The following TRPM6 variants were observed in gnomAD, a reference collection of about 807,000 sequenced individuals.
TRPM6 encodes the protein transient receptor potential cation channel subfamily M member 6, also known as channel kinase 2.
Under a neutral mutation model 247.6 loss-of-function variants are expected in TRPM6, and 111 were observed. The ratio of observed to expected loss-of-function variants is 0.45; its 90% CI spans 0.38 to 0.52. The LOEUF is 0.52. Ranked by LOEUF, TRPM6 falls within the 20% of genes least tolerant of loss-of-function variation. The pLI, the probability that TRPM6 is intolerant of heterozygous loss-of-function variation, is 0.00. For synonymous variants in TRPM6, 892 were observed against 853.8 expected, an observed-to-expected ratio of 1.04 and a Z score of -0.78; for missense variants, 2,126 against 2,421.5, an observed-to-expected ratio of 0.88 and a Z score of 2.56.
chr9:74,769,810 A>C (rs947672398), intron 25 of TRPM6, among the ~76,000 whole-genome samples: 17 of 151,842 alleles, frequency 1.1e-4, no homozygotes, highest in African/African-American at 3.9e-4. Flanking sequence ...GGAGGGAGGA[A>C]GGAAACCAAG....
intron 1 of TRPM6, among the ~76,000 whole-genome samples, chr9:74,869,579 T>C (rs548630761): frequency 6.6e-6 from 1 of 151,772 alleles, no homozygotes; most frequent in African/African-American, 2.4e-5. Context: ...GCTAAAGCAA[T>C]ATTCACAATT....
At chr9:74,867,283 C>A (rs570430903) in intron 1 of TRPM6, among the ~76,000 whole-genome samples, 1 of 152,216 alleles carries the variant, frequency 6.6e-6, no homozygotes, top group Admixed American at 6.5e-5. Context: ...ATCTTAGTAC[C>A]ATTATGAAAA....
At chr9:74,864,343 G>T (rs1394771707) in intron 1 of TRPM6, among the ~76,000 whole-genome samples, 1 of 152,138 alleles carries the variant, frequency 6.6e-6, no homozygotes, top group East Asian at 1.9e-4. Flanking sequence ...GTTGGCTCAG[G>T]GAATCCATCA....
At chr9:74,796,984 A>G in intron 17 of TRPM6, 91 bp from the exon 18 acceptor site, 1 of 1,202,030 alleles carries the variant, frequency 8.3e-7, no homozygotes, top group Middle Eastern at 2.6e-4. Flanking sequence ...AGTGTATATA[A>G]AATGCCAGAC....
Position 74,782,358 on chromosome 9 carries a change from C to A in TRPM6, c.3209+4G>T. The A allele has an allele frequency of 6.3e-7, 1 of 1,599,402 alleles. No homozygotes were observed. The highest frequency in any genetic ancestry group is 8.6e-7 in the Non-Finnish European group (1 of 1,166,858). ...AATAATCATATTTAATTGAAATAAC[C>A]TACTTGAAGAAAGCAATCAACAGGT... On this transcript the variant is annotated splice_donor_region_variant and intron_variant, in intron 23 of 38. Transcript: ENST00000360774.
chr9:74,884,548 T>G (rs1278226434), intron 1 of TRPM6, among the ~76,000 whole-genome samples: 1 of 130,094 alleles, frequency 7.7e-6, no homozygotes, highest in Non-Finnish European at 1.7e-5. Context: ...TACATACGTA[T>G]ATAAAAGCAC....
intron 19 of TRPM6, among the ~76,000 whole-genome samples, chr9:74,790,500 T>C (rs796481847): frequency 1.8e-4 from 27 of 152,326 alleles, no homozygotes; most frequent in African/African-American, 6.5e-4. Context: ...ATTATTTGTA[T>C]TTTGTTATCT....
intron 23 of TRPM6, among the ~76,000 whole-genome samples, chr9:74,777,098 T>C (rs1445079582): frequency 6.6e-6 from 1 of 152,154 alleles, no homozygotes; most frequent in Non-Finnish European, 1.5e-5. Context: ...TCAGGAGTTC[T>C]CAAGCATGTT....
chr9:74,826,077 G>C (rs895208252), intron 7 of TRPM6, among the ~76,000 whole-genome samples: 46 of 151,982 alleles, frequency 3.0e-4, no homozygotes, highest in Admixed American at 1.4e-3. Flanking sequence ...ACCATGAGAT[G>C]ATCACTGTAC....
intron 25 of TRPM6, among the ~76,000 whole-genome samples, chr9:74,769,394 T>C (rs1826938646): frequency 6.6e-6 from 1 of 152,126 alleles, no homozygotes; most frequent in Admixed American, 6.5e-5. Context: ...AGTGATCCAC[T>C]TGCCTCAGCC....
At chr9:74,756,324 T>C (rs1826428502) in intron 27 of TRPM6, among the ~76,000 whole-genome samples, 1 of 152,140 alleles carries the variant, frequency 6.6e-6, no homozygotes, top group Admixed American at 6.5e-5. Flanking sequence ...ATTTTTTTAA[T>C]GCATCCAGAT....
chr9:74,887,506 C>G, intron 1 of TRPM6: 1 of 1,128,722 alleles, frequency 8.9e-7, no homozygotes, highest in Non-Finnish European at 1.3e-6. Context: ...CGGGGTGTTT[C>G]CCACCGCCCC....
chr9:74,839,578 G>C (rs1337006695), intron 5 of TRPM6, among the ~76,000 whole-genome samples: 1 of 152,102 alleles, frequency 6.6e-6, no homozygotes, highest in African/African-American at 2.4e-5. Flanking sequence ...GCATGGATTC[G>C]ATGTCCCTTC....
chr9:74,782,270 A>G, intron 23 of TRPM6, 92 bp downstream of exon 23: 1 of 922,054 alleles, frequency 1.1e-6, no homozygotes, highest in Non-Finnish European at 1.7e-6. Context: ...CACAAAAATC[A>G]AAGGTTACAT....
chr9:74,844,559 A>C (rs754494776), intron 3 of TRPM6, among the ~76,000 whole-genome samples: 3 of 152,200 alleles, frequency 2.0e-5, no homozygotes, highest in Admixed American at 6.5e-5. Flanking sequence ...CCTCTCTCAG[A>C]CTTCATAGAA....
chr9:74,794,059 T>A (rs1462675145), intron 18 of TRPM6, among the ~76,000 whole-genome samples: 2 of 152,018 alleles, frequency 1.3e-5, no homozygotes, highest in Non-Finnish European at 2.9e-5. Context: ...GAAGCATTTA[T>A]AGCCTGGCTA....
chr9:74,750,733 G>C lies in TRPM6; in HGVS notation c.4999-11C>G, dbSNP rs757278705. ...GTTTTTGCTGAGATCCTGAGCAGAAGGGAAAGGCCGTTACGTGTGTGCTCA... is the reference window on the plus strand; with the variant it reads ...GTTTTTGCTGAGATCCTGAGCAGAACGGAAAGGCCGTTACGTGTGTGCTCA... On this transcript the variant is annotated splice_polypyrimidine_tract_variant and intron_variant, in intron 29 of 38. Coordinates refer to ENST00000360774, the MANE Select transcript of TRPM6 (RefSeq NM_017662.5). 1.9e-6 allele frequency: 3 copies of C among 1,613,666 alleles called. No individual in the cohort carries two copies. The highest frequency in any genetic ancestry group is 2.5e-6 in the Non-Finnish European group (3 of 1,179,708).
intron 27 of TRPM6, among the ~76,000 whole-genome samples, chr9:74,758,125 T>G: frequency 6.6e-6 from 1 of 152,190 alleles, no homozygotes; most frequent in East Asian, 1.9e-4. Flanking sequence ...TAGCTCTATA[T>G]CTATTACAGA....
intron 1 of TRPM6, among the ~76,000 whole-genome samples, chr9:74,881,340 TG>T (rs1029329085): frequency 6.6e-6 from 1 of 151,464 alleles, no homozygotes; most frequent in African/African-American, 2.4e-5. Context: ...AGACAAAAAA[TG>T]TAATTATATA....
Sources: allele counts gnomAD v4.1 joint callset (sites outside exome capture counted in the v4.1 genomes callset), GRCh38; gene constraint gnomAD v4.1.1; transcripts MANE v1.5; gene names NCBI Gene and HGNC (gene_info 2026-07-23, HGNC 2026-07-21).